The following GRM7 variants were observed in gnomAD, a reference collection of about 807,000 sequenced individuals.
GRM7 encodes the protein glutamate metabotropic receptor 7.
Under a neutral mutation model 84.5 loss-of-function variants are expected in GRM7, and 35 were observed. That is an observed-to-expected ratio of 0.41 (90% CI 0.32 to 0.55). The LOEUF (loss-of-function observed/expected upper bound fraction) is 0.55. Among genes scored for constraint, GRM7 ranks in the 20% least tolerant of loss-of-function variants. GRM7 has a pLI of 0.19. For missense variants in GRM7, 1,003 were observed against 1,194.6 expected (o/e 0.84, Z 2.36); for synonymous variants, 487 against 455.1 (o/e 1.07, Z -0.89).
intron 4 of GRM7, among the ~76,000 whole-genome samples, chr3:7,336,916 A>G (rs1176312050): frequency 6.6e-6 from 1 of 152,128 alleles, no homozygotes; most frequent in African/African-American, 2.4e-5. Flanking sequence ...AAATGAAAAC[A>G]CATTCCATGG....
intron 7 of GRM7, among the ~76,000 whole-genome samples, chr3:7,463,639 A>C (rs1298310761): frequency 6.6e-6 from 1 of 152,124 alleles, no homozygotes; most frequent in Non-Finnish European, 1.5e-5. Flanking sequence ...AGAGAGGATA[A>C]TGGAGGTAGA....
chr3:7,557,130 A>G (rs1693803527), intron 7 of GRM7, among the ~76,000 whole-genome samples: 1 of 152,084 alleles, frequency 6.6e-6, no homozygotes, highest in Non-Finnish European at 1.5e-5. Flanking sequence ...AATCTAGTGG[A>G]TGTGTGTGGA....
intron 7 of GRM7, among the ~76,000 whole-genome samples, chr3:7,554,526 G>T (rs981305279): frequency 6.6e-6 from 1 of 152,190 alleles, no homozygotes; most frequent in South Asian, 2.1e-4. Flanking sequence ...TGCTATGGAG[G>T]AAACCAACAG....
chr3:7,499,000 C>T (rs972042795), intron 7 of GRM7, among the ~76,000 whole-genome samples: 1 of 152,116 alleles, frequency 6.6e-6, no homozygotes, highest in Non-Finnish European at 1.5e-5. Flanking sequence ...GCTGATTTTG[C>T]CCTAAATTTG....
chr3:7,593,990 T>C (rs1395525257), intron 8 of GRM7, among the ~76,000 whole-genome samples: 1 of 151,818 alleles, frequency 6.6e-6, no homozygotes. Context: ...AAAATAAGCA[T>C]CATACTTTCC....
chr3:7,641,988 GA>G (rs372780756), intron 8 of GRM7, among the ~76,000 whole-genome samples: 3,889 of 151,804 alleles, frequency 0.026, 136 homozygotes, highest in African/African-American at 0.075. Flanking sequence ...ACCATTCAGT[GA>G]GTAAATACAT....
chr3:6,890,497 G>T (rs1259864560), intron 1 of GRM7, among the ~76,000 whole-genome samples: 2 of 152,174 alleles, frequency 1.3e-5, no homozygotes, highest in Non-Finnish European at 2.9e-5. Context: ...GTAGCCAGTA[G>T]TCATTTAGTA....
intron 1 of GRM7, among the ~76,000 whole-genome samples, chr3:7,140,923 A>G (rs1035886591): frequency 1.3e-5 from 2 of 152,006 alleles, no homozygotes; most frequent in Non-Finnish European, 2.9e-5. Flanking sequence ...TTTCAATTCT[A>G]AAAGTGTCCT....
intron 1 of GRM7, among the ~76,000 whole-genome samples, chr3:7,127,610 A>G (rs1693444553): frequency 6.6e-6 from 1 of 152,162 alleles, no homozygotes; most frequent in Admixed American, 6.6e-5. Flanking sequence ...ACTAACTGGG[A>G]AGGTGCATTT....
chr3:7,020,380 G>A (rs1416651117), intron 1 of GRM7, among the ~76,000 whole-genome samples: 6 of 152,136 alleles, frequency 3.9e-5, no homozygotes, highest in South Asian at 2.1e-4. Flanking sequence ...GGCAGAACAT[G>A]GGGGGATTTT....
intron 2 of GRM7, among the ~76,000 whole-genome samples, chr3:7,276,154 G>A (rs943030443): frequency 6.6e-6 from 1 of 151,360 alleles, no homozygotes; most frequent in African/African-American, 2.4e-5. Context: ...ATGAATGCTG[G>A]AGAAGAAATC....
chr3:7,018,458 CT>C (rs1369768763), intron 1 of GRM7, among the ~76,000 whole-genome samples: 1 of 152,216 alleles, frequency 6.6e-6, no homozygotes, highest in African/African-American at 2.4e-5. Context: ...ACACAGAAAA[CT>C]TTTATCTATC....
At chr3:6,881,821 A>G (rs12489224) in intron 1 of GRM7, among the ~76,000 whole-genome samples, 26,715 of 152,086 alleles carry the variant, frequency 0.18, 3,346 homozygotes, top group African/African-American at 0.35. Flanking sequence ...TACTATCCTA[A>G]GCCTTATCTC....
intron 8 of GRM7, among the ~76,000 whole-genome samples, chr3:7,617,149 T>C (rs952654826): frequency 6.6e-6 from 1 of 152,090 alleles, no homozygotes; most frequent in Non-Finnish European, 1.5e-5. Context: ...AATCAGACCT[T>C]GGCAATGACC....
At chr3:6,987,362 A>G (rs1015953563) in intron 1 of GRM7, among the ~76,000 whole-genome samples, 3 of 152,038 alleles carry the variant, frequency 2.0e-5, no homozygotes, top group African/African-American at 7.3e-5. Context: ...AACAAGTAGT[A>G]AATTAGACAG....
intron 9 of GRM7, among the ~76,000 whole-genome samples, chr3:7,729,181 T>C (rs150510711): frequency 8.5e-4 from 130 of 152,274 alleles, no homozygotes; most frequent in African/African-American, 3.0e-3. Context: ...TCAATACTTA[T>C]GGCGTTTTCA....
intron 8 of GRM7, among the ~76,000 whole-genome samples, chr3:7,651,819 CA>C (rs1698954582): frequency 6.6e-6 from 1 of 152,140 alleles, no homozygotes; most frequent in African/African-American, 2.4e-5. Context: ...AAGTCCATAG[CA>C]AAAAGCTCCA....
chr3:7,698,982 C>A (rs769120251), intron 9 of GRM7, among the ~76,000 whole-genome samples: 4 of 152,060 alleles, frequency 2.6e-5, no homozygotes, highest in African/African-American at 9.7e-5. Flanking sequence ...AACACTGGGG[C>A]GGGAAGTATT....
chr3:7,257,813 G>T (rs553753830), intron 2 of GRM7, among the ~76,000 whole-genome samples: 59 of 151,982 alleles, frequency 3.9e-4, no homozygotes, highest in African/African-American at 1.4e-3. Flanking sequence ...TTTATTCCTT[G>T]GTCCTTCTGA....
Sources: allele counts gnomAD v4.1 joint callset (sites outside exome capture counted in the v4.1 genomes callset), GRCh38; gene constraint gnomAD v4.1.1; transcripts MANE v1.5; gene names NCBI Gene and HGNC (gene_info 2026-07-23, HGNC 2026-07-21).